ATP10B: variants seen among roughly 807,000 people sequenced by gnomAD.
ATP10B encodes phospholipid-transporting ATPase VB.
A neutral mutation model predicts 141.2 loss-of-function variants in ATP10B; 122 were observed. The observed-to-expected ratio is 0.86, with a 90% confidence interval of 0.75 to 1.00. The LOEUF is 1.00. Among genes scored for constraint, ATP10B ranks in the 50% least tolerant of loss-of-function variants. The pLI is 0.00. For synonymous variants in ATP10B, 685 were observed against 692.0 expected (o/e 0.99, Z 0.16); for missense variants, 1,876 against 1,825.3 (o/e 1.03, Z -0.51).
intron 1 of ATP10B, among the ~76,000 whole-genome samples, chr5:160,821,092 G>T (rs1774067645): frequency 6.6e-6 from 1 of 152,052 alleles, no homozygotes; most frequent in Non-Finnish European, 1.5e-5. Context: ...TGCAGATTAT[G>T]TTATCTTATA....
rs192114941 is a variant in ATP10B, at chr5:160,648,913, C to T, written c.761+258G>A. On this transcript the variant is annotated intron_variant, in intron 8 of 25. Transcript: ENST00000327245. ...TCAGAGCACAATCTTGATTTTGATG[C>T]TATTTTACTAAGGTTTTTTTTTTTT... Among the ~76,000 whole-genome samples the T allele has an allele frequency of 2.9e-4, 39 of 133,080 alleles. 1 individual carries two copies. The South Asian group carries it at 7.2e-3, about 24-fold the overall frequency. 87.3% of individuals were successfully genotyped at this position (133,080 alleles called of 152,430 possible).
chr5:160,753,549 C>T (rs1768309297), intron 2 of ATP10B, among the ~76,000 whole-genome samples: 2 of 152,146 alleles, frequency 1.3e-5, no homozygotes, highest in South Asian at 4.1e-4. Flanking sequence ...CTACTGTGAT[C>T]TGAAGAATAT....
At position 160,686,291 on chromosome 5, in the gene ATP10B, G is replaced by T; in HGVS notation, c.276-18C>A. The T allele has an allele frequency of 6.5e-7, 1 of 1,549,048 alleles. No individual in the cohort carries two copies. The highest frequency in any genetic ancestry group is 8.8e-7 in the Non-Finnish European group (1 of 1,140,726). On this transcript the variant is annotated intron_variant, in intron 5 of 25. Coordinates refer to ENST00000327245, the MANE Select transcript of ATP10B (RefSeq NM_025153.3). ...TAGCCCATCTGGAGGGGCAAGCGAAGTGTGAATAAACACTATGGAGAAGAA... is the reference window on the plus strand; with the variant it reads ...TAGCCCATCTGGAGGGGCAAGCGAATTGTGAATAAACACTATGGAGAAGAA...
In ATP10B at chr5:160,603,950, T is replaced by G; in HGVS notation, c.3237+15A>C. On this transcript the variant is annotated intron_variant, in intron 20 of 25. Coordinates refer to ENST00000327245, the MANE Select transcript of ATP10B (RefSeq NM_025153.3). ...TAAGGACCAAAGAAAGAAGAATAGTTGCAGAGAACAATACCTGCATGCCTT... is the reference window on the plus strand; with the variant it reads ...TAAGGACCAAAGAAAGAAGAATAGTGGCAGAGAACAATACCTGCATGCCTT... 1.2e-6 allele frequency: 2 copies of G among 1,607,000 alleles called. No homozygotes were observed. The highest frequency in any genetic ancestry group is 1.7e-6 in the Non-Finnish European group (2 of 1,173,850).
At chr5:160,753,211 A>AG (rs1431135200) in intron 2 of ATP10B, among the ~76,000 whole-genome samples, 1 of 152,220 alleles carries the variant, frequency 6.6e-6, no homozygotes, top group African/African-American at 2.4e-5. Flanking sequence ...GTTTACAGTG[A>AG]GGAAACGTCG....
At chr5:160,615,686 G>T in intron 17 of ATP10B, 152 bp downstream of exon 17, 3 of 887,484 alleles carry the variant, frequency 3.4e-6, no homozygotes, top group Non-Finnish European at 5.1e-6. Context: ...GTTGGGTATT[G>T]GCATGGCCCA....
At chr5:160,820,657 A>G (rs1486564804) in intron 1 of ATP10B, among the ~76,000 whole-genome samples, 1 of 152,116 alleles carries the variant, frequency 6.6e-6, no homozygotes, top group Non-Finnish European at 1.5e-5. Context: ...ATATTAGCAA[A>G]CCAAATTAAA....
chr5:160,901,605 C>T, the ATP10B span, among the ~76,000 whole-genome samples: 11 of 152,094 alleles, frequency 7.2e-5, no homozygotes, highest in East Asian at 7.7e-4. Flanking sequence ...ATACACAAAG[C>T]GATGCAATGA....
intron 2 of ATP10B, among the ~76,000 whole-genome samples, chr5:160,776,982 T>A (rs969906440): frequency 6.6e-6 from 1 of 152,074 alleles, no homozygotes; most frequent in Non-Finnish European, 1.5e-5. Flanking sequence ...AGCTGAGTGA[T>A]CTGGCAAATG....
the ATP10B span, among the ~76,000 whole-genome samples, chr5:160,858,834 A>G: frequency 6.6e-6 from 1 of 151,874 alleles, no homozygotes; most frequent in Non-Finnish European, 1.5e-5. Context: ...TGAGTGACAT[A>G]TAAAAAATTT....
At chr5:160,870,957 C>T in the ATP10B span, among the ~76,000 whole-genome samples, 38 of 24,726 alleles carry the variant, frequency 1.5e-3, no homozygotes, top group African/African-American at 3.3e-3. Flanking sequence ...AACCAACAAC[C>T]TACAATTCTG....
intron 1 of ATP10B, among the ~76,000 whole-genome samples, chr5:160,835,921 C>T (rs576386029): frequency 4.9e-4 from 74 of 152,170 alleles, no homozygotes; most frequent in Non-Finnish European, 8.5e-4. Context: ...GCCCATTCTT[C>T]GAACTTGGTC....
chr5:160,679,970 C>T (rs1298896874), intron 6 of ATP10B, among the ~76,000 whole-genome samples: 3 of 152,192 alleles, frequency 2.0e-5, no homozygotes, highest in African/African-American at 7.2e-5. Flanking sequence ...GCTAATCTCT[C>T]CTCGAAGTCA....
chr5:160,648,523 C>A (rs1452676494), intron 8 of ATP10B, among the ~76,000 whole-genome samples: 1 of 152,032 alleles, frequency 6.6e-6, no homozygotes, highest in Non-Finnish European at 1.5e-5. Context: ...GATAAGGGAG[C>A]AGAATTGCAG....
At chr5:160,642,641 G>A (rs1759958506) in intron 9 of ATP10B, among the ~76,000 whole-genome samples, 1 of 152,206 alleles carries the variant, frequency 6.6e-6, no homozygotes, top group African/African-American at 2.4e-5. Context: ...GGTGCCAAAG[G>A]TGAGAACCCC....
intron 1 of ATP10B, among the ~76,000 whole-genome samples, chr5:160,834,007 C>G (rs1023594741): frequency 1.3e-5 from 2 of 152,016 alleles, no homozygotes; most frequent in Non-Finnish European, 2.9e-5. Flanking sequence ...CATGAATCAT[C>G]TAATAGACTC....
At chr5:160,569,878 C>T (rs1019514492) in intron 24 of ATP10B, among the ~76,000 whole-genome samples, 195 bp from the exon 25 acceptor site, 1 of 152,158 alleles carries the variant, frequency 6.6e-6, no homozygotes, top group Non-Finnish European at 1.5e-5. Context: ...AACACACATA[C>T]CCCAGAAGAC....
chr5:160,822,989 C>CATATATATATACATATATATATATAT (rs1353466253), intron 1 of ATP10B, among the ~76,000 whole-genome samples: 2 of 69,702 alleles, frequency 2.9e-5, no homozygotes, highest in African/African-American at 9.7e-5. Flanking sequence ...ATTACATATA[C>CATATATATATACATATATATATATAT]ATATATATAT....
At chr5:160,686,853 G>T in intron 5 of ATP10B, 1 of 721,178 alleles carries the variant, frequency 1.4e-6, no homozygotes, top group Non-Finnish European at 1.7e-6. Flanking sequence ...CTCAGTAAAT[G>T]GTCACTTATA....
Sources: allele counts gnomAD v4.1 joint callset (sites outside exome capture counted in the v4.1 genomes callset), GRCh38; gene constraint gnomAD v4.1.1; transcripts MANE v1.5; gene names NCBI Gene and HGNC (gene_info 2026-07-23, HGNC 2026-07-21).